ANKRD55: variants seen among roughly 807,000 people sequenced by gnomAD.
The protein encoded by ANKRD55 is ankyrin repeat domain-containing protein 55.
A neutral mutation model predicts 60.6 loss-of-function variants in ANKRD55; 41 were observed. The ratio of observed to expected loss-of-function variants is 0.68; its 90% CI spans 0.53 to 0.88. ANKRD55 has a LOEUF of 0.88. Ranked by LOEUF, ANKRD55 falls within the 40% of genes least tolerant of loss-of-function variation. The pLI, the probability that ANKRD55 is intolerant of heterozygous loss-of-function variation, is 0.00. For synonymous variants in ANKRD55, 264 were observed against 290.3 expected (o/e 0.91, Z 0.92); for missense variants, 732 against 767.6 (o/e 0.95, Z 0.55).
chr5:56,100,296 C>A lies in ANKRD55; in HGVS notation c.1732G>T (p.Gly578Ter), dbSNP rs185628778. 90 of 1,614,096 alleles carry A rather than the reference C, an allele frequency of 5.6e-5. No homozygotes were observed. Among genetic ancestry groups the A allele is most frequent in the Non-Finnish European group, 7.5e-5 (89 of 1,180,006 alleles). Residue 578 changes from glycine (G) to a stop codon, truncating the protein, a stop_gained, in exon 12 of 12, where the codon GGA becomes TGA. Coordinates refer to ENST00000341048, the MANE Select transcript of ANKRD55 (RefSeq NM_024669.3). LOFTEE classifies it low-confidence loss of function (END_TRUNC). ...APLPDQKFLS[G>*]EPLRTNRVLP... ...ACTCGGTTTGTCCGCAGAGGTTCTCCAGATAGAACTGGGAAGAAAGAATAG... is the reference window on the plus strand; with the variant it reads ...ACTCGGTTTGTCCGCAGAGGTTCTCAAGATAGAACTGGGAAGAAAGAATAG...
chr5:56,142,716 C>T (rs1757803812), intron 7 of ANKRD55, among the ~76,000 whole-genome samples: 1 of 152,200 alleles, frequency 6.6e-6, no homozygotes, highest in Non-Finnish European at 1.5e-5. Context: ...TGACCCCTGA[C>T]CAGCCAGAGG....
intron 5 of ANKRD55, among the ~76,000 whole-genome samples, chr5:56,164,687 C>T (rs1258363031): frequency 6.6e-6 from 1 of 152,130 alleles, no homozygotes; most frequent in Non-Finnish European, 1.5e-5. Flanking sequence ...TTTTAATGAT[C>T]ATGCCCCCTC....
intron 2 of ANKRD55, among the ~76,000 whole-genome samples, chr5:56,207,650 A>G (rs1004877162): frequency 6.6e-6 from 1 of 152,212 alleles, no homozygotes. Flanking sequence ...GTATCTAAAC[A>G]TAGTAAAGGT....
At chr5:56,154,086 G>A (rs1758129640) in intron 6 of ANKRD55, among the ~76,000 whole-genome samples, 1 of 150,144 alleles carries the variant, frequency 6.7e-6, no homozygotes, top group Admixed American at 6.7e-5. Flanking sequence ...GGTGACGGGT[G>A]CCTGTAGTCC....
rs1162215148 is a variant in ANKRD55 at position 56,173,580 on chromosome 5, C to CTATA, written c.312+2571_312+2572insTATA. ...TCTCTCTCTCTCTCTCTCTCTCTCT[C>CTATA]TCTATATATATATATATATATATAT... On this transcript the variant is annotated intron_variant, in intron 4 of 11. Transcript: ENST00000341048. 5.2e-3 allele frequency among the ~76,000 whole-genome samples: 310 copies of CTATA among 59,750 alleles called. 1 individual carries two copies. The highest frequency in any genetic ancestry group is 7.0e-3 in the Non-Finnish European group (235 of 33,462). The allele number at this position is 59,750 out of a possible 152,430, so 39.2% of individuals were successfully genotyped here.
intron 6 of ANKRD55, among the ~76,000 whole-genome samples, chr5:56,156,130 A>G (rs897293172): frequency 6.6e-6 from 1 of 152,124 alleles, no homozygotes; most frequent in Non-Finnish European, 1.5e-5. Flanking sequence ...GTCCATGTGT[A>G]TGAAAAACAC....
intron 2 of ANKRD55, 80 bp downstream of exon 2, chr5:56,232,776 T>G: frequency 7.5e-7 from 1 of 1,339,698 alleles, no homozygotes; most frequent in African/African-American, 1.5e-5. Context: ...ACACTTCTCT[T>G]TCTCTCCTTA....
At position 56,181,133 on chromosome 5, in the gene ANKRD55, G is replaced by T. The variant is rs191437251; in HGVS notation, c.181+2379C>A. On this transcript the variant is annotated intron_variant, in intron 3 of 11. Transcript: ENST00000341048. The stretch of plus-strand genomic sequence containing the variant: ...AATTGCTTGAACCCGGGAGGTGGAG[G>T]TTGCAGTGAGCCAAGATTGCACCAC... 6.3e-4 allele frequency among the ~76,000 whole-genome samples: 96 copies of T among 152,256 alleles called. 1 individual carries two copies. The highest frequency in any genetic ancestry group is 2.2e-3 in the African/African-American group (92 of 41,528).
intron 5 of ANKRD55, among the ~76,000 whole-genome samples, chr5:56,162,409 G>A (rs1175244537): frequency 1.3e-5 from 2 of 152,154 alleles, no homozygotes; most frequent in East Asian, 3.8e-4. Context: ...TGCCGATGGG[G>A]GAACTGGCAG....
chr5:56,134,986 AAAG>A (rs919557293), intron 7 of ANKRD55, among the ~76,000 whole-genome samples: 1 of 152,240 alleles, frequency 6.6e-6, no homozygotes, highest in Non-Finnish European at 1.5e-5. Flanking sequence ...TCAGCAGGCT[AAAG>A]AAGAAGAATC....
At position 56,215,128 on chromosome 5, in the gene ANKRD55, C is replaced by T. The variant is rs117592168; in HGVS notation, c.58+17728G>A. On this transcript the variant is annotated intron_variant, in intron 2 of 11. Coordinates refer to ENST00000341048, the MANE Select transcript of ANKRD55 (RefSeq NM_024669.3). ...TGTTGTTTTTGTGTGACCTTGTTTACAGGGTTAGAGATTTCTGAACTCTCT... is the reference window on the plus strand; with the variant it reads ...TGTTGTTTTTGTGTGACCTTGTTTATAGGGTTAGAGATTTCTGAACTCTCT... 2.5e-3 allele frequency among the ~76,000 whole-genome samples: 381 copies of T among 151,954 alleles called. 14 individuals are homozygous for T. In the East Asian group the frequency reaches 0.061, roughly 24 times the overall value.
At chr5:56,168,118 T>C (rs948433246) in intron 5 of ANKRD55, among the ~76,000 whole-genome samples, 3 of 152,140 alleles carry the variant, frequency 2.0e-5, no homozygotes, top group African/African-American at 7.2e-5. Flanking sequence ...TATAACCAGA[T>C]GTGGTTGTAT....
chr5:56,223,407 T>C (rs1457385825), intron 2 of ANKRD55, among the ~76,000 whole-genome samples: 1 of 152,124 alleles, frequency 6.6e-6, no homozygotes, highest in East Asian at 1.9e-4. Flanking sequence ...ACATGACAAA[T>C]TGTAAAGACC....
At chr5:56,219,044 G>A (rs1215400481) in intron 2 of ANKRD55, among the ~76,000 whole-genome samples, 7 of 151,806 alleles carry the variant, frequency 4.6e-5, no homozygotes, top group South Asian at 4.2e-4. Flanking sequence ...AGGCCGAGGC[G>A]GGCGGATCAC....
chr5:56,232,894 A>G lies in ANKRD55; in HGVS notation c.20T>C (p.Met7Thr), dbSNP rs1017306668. The G allele has an allele frequency of 2.5e-6, 4 of 1,614,080 alleles. No homozygotes were observed. In the African/African-American group the frequency reaches 4.0e-5, roughly 16 times the overall value. ...AAACACAGAAGGGGTGCTGAAATCC[A>G]TGGTAGCCTGTCTCATCATTTACCA... is the stretch of plus-strand genomic sequence containing the variant. Reference protein sequence around the residue: MMRQATMDFSTPSVFDQ... With the variant: MMRQATTDFSTPSVFDQ... Residue 7 changes from methionine (M) to threonine (T), a missense_variant, in exon 2 of 12, where the codon ATG becomes ACG. Physicochemically the swap from Met to Thr is moderately conservative, Grantham distance 81. Coordinates refer to ENST00000341048, the MANE Select transcript of ANKRD55 (RefSeq NM_024669.3).
At chr5:56,221,166 C>G (rs971746729) in intron 2 of ANKRD55, among the ~76,000 whole-genome samples, 2 of 152,208 alleles carry the variant, frequency 1.3e-5, no homozygotes, top group African/African-American at 4.8e-5. Flanking sequence ...TTTCCCATCT[C>G]CTATGCTTGC....
At chr5:56,166,120 TTC>T (rs1215502679) in intron 5 of ANKRD55, among the ~76,000 whole-genome samples, 5 of 54,898 alleles carry the variant, frequency 9.1e-5, no homozygotes, top group African/African-American at 2.6e-4. Context: ...CTTTCTTTCT[TTC>T]TTTCTTTCTT....
chr5:56,151,464 AC>A (rs1404010937), intron 6 of ANKRD55, among the ~76,000 whole-genome samples: 2 of 152,258 alleles, frequency 1.3e-5, no homozygotes, highest in East Asian at 1.9e-4. Flanking sequence ...AAATAACATG[AC>A]TTTTTCTTGA....
chr5:56,116,850 A>G, intron 8 of ANKRD55, 68 bp from the exon 9 acceptor site: 1 of 1,429,178 alleles, frequency 7.0e-7, no homozygotes, highest in Non-Finnish European at 9.2e-7. Context: ...CTTAGCCAGC[A>G]ACAGCTCCTG....
Sources: allele counts gnomAD v4.1 joint callset (sites outside exome capture counted in the v4.1 genomes callset), GRCh38; gene constraint gnomAD v4.1.1; transcripts MANE v1.5; gene names NCBI Gene and HGNC (gene_info 2026-07-23, HGNC 2026-07-21).